Variants in CCSER1 observed in about 807,000 individuals in gnomAD.
CCSER1 encodes serine-rich coiled-coil domain-containing protein 1.
CCSER1 carries 41 observed loss-of-function variants against 82.0 expected under a neutral mutation model. The ratio of observed to expected loss-of-function variants is 0.50; its 90% CI spans 0.39 to 0.65. The LOEUF is 0.65. Ranked by LOEUF, CCSER1 falls within the 30% of genes least tolerant of loss-of-function variation. The pLI is 0.00. For synonymous variants in CCSER1, 414 were observed against 383.9 expected, an observed-to-expected ratio of 1.08 and a Z score of -0.92; for missense variants, 1,119 against 1,064.2, an observed-to-expected ratio of 1.05 and a Z score of -0.72.
chr4:90,746,573 G>A (rs1216826956), intron 7 of CCSER1, among the ~76,000 whole-genome samples: 1 of 152,132 alleles, frequency 6.6e-6, no homozygotes, highest in African/African-American at 2.4e-5. Context: ...TTGGTGTAGG[G>A]AATTCAGTGT....
intron 10 of CCSER1, among the ~76,000 whole-genome samples, chr4:91,218,897 G>A (rs1299717596): frequency 2.6e-5 from 4 of 152,124 alleles, no homozygotes; most frequent in South Asian, 4.1e-4. Flanking sequence ...GGTAATTGAC[G>A]TAATGTCAAC....
At chr4:90,378,115 G>T (rs1016011363) in intron 3 of CCSER1, among the ~76,000 whole-genome samples, 1 of 151,958 alleles carries the variant, frequency 6.6e-6, no homozygotes, top group African/African-American at 2.4e-5. Flanking sequence ...GCTCTTTATG[G>T]CATTGTTTAG....
intron 1 of CCSER1, among the ~76,000 whole-genome samples, chr4:90,228,861 A>G (rs1460537583): frequency 6.6e-6 from 1 of 152,224 alleles, no homozygotes; most frequent in African/African-American, 2.4e-5. Context: ...AACTGGAAGA[A>G]AGGGTATCAG....
At chr4:90,227,953 A>G (rs1347265975) in intron 1 of CCSER1, among the ~76,000 whole-genome samples, 3 of 152,292 alleles carry the variant, frequency 2.0e-5, no homozygotes, top group East Asian at 3.9e-4. Flanking sequence ...TATATCCCGC[A>G]CCTGGCTCGG....
intron 5 of CCSER1, among the ~76,000 whole-genome samples, chr4:90,572,679 GT>G (rs1780260731): frequency 6.6e-6 from 1 of 151,340 alleles, no homozygotes; most frequent in South Asian, 2.1e-4. Context: ...TTTCTGTTTG[GT>G]TTTTTAAAAG....
At chr4:90,511,523 T>A (rs1214858773) in intron 5 of CCSER1, among the ~76,000 whole-genome samples, 1 of 151,966 alleles carries the variant, frequency 6.6e-6, no homozygotes, top group Non-Finnish European at 1.5e-5. Context: ...CTAAAAGGAG[T>A]TAGAGTTGGT....
At chr4:90,958,339 A>G (rs929942121) in intron 9 of CCSER1, among the ~76,000 whole-genome samples, 1 of 152,192 alleles carries the variant, frequency 6.6e-6, no homozygotes, top group African/African-American at 2.4e-5. Context: ...AAATTATGCA[A>G]GAGGCTAATA....
chr4:91,071,113 A>G (rs889405248), intron 9 of CCSER1, among the ~76,000 whole-genome samples: 14 of 152,238 alleles, frequency 9.2e-5, no homozygotes, highest in African/African-American at 2.4e-4. Flanking sequence ...TTAGAAAAGT[A>G]AATATTCCAT....
intron 3 of CCSER1, among the ~76,000 whole-genome samples, chr4:90,383,525 G>T (rs1210541002): frequency 6.6e-6 from 1 of 152,030 alleles, no homozygotes; most frequent in Non-Finnish European, 1.5e-5. Flanking sequence ...CAAACATCTG[G>T]AAAAATGCTA....
intron 7 of CCSER1, among the ~76,000 whole-genome samples, chr4:90,773,461 C>T (rs1752497946): frequency 1.3e-5 from 2 of 152,268 alleles, no homozygotes; most frequent in South Asian, 4.1e-4. Flanking sequence ...GGGTTTGGAA[C>T]TGAGGTGCTT....
intron 10 of CCSER1, among the ~76,000 whole-genome samples, chr4:91,210,579 T>C (rs532570951): frequency 2.6e-5 from 4 of 151,486 alleles, no homozygotes; most frequent in African/African-American, 9.7e-5. Flanking sequence ...ATAAGCATAA[T>C]ATGAATACAA....
intron 3 of CCSER1, among the ~76,000 whole-genome samples, chr4:90,351,624 G>T (rs763135607): frequency 9.2e-4 from 140 of 152,114 alleles, no homozygotes; most frequent in Non-Finnish European, 1.7e-3. Flanking sequence ...AGTACATTGT[G>T]TGTATGTATT....
chr4:91,481,051 C>T (rs1757879947), intron 10 of CCSER1, among the ~76,000 whole-genome samples: 1 of 139,906 alleles, frequency 7.1e-6, no homozygotes, highest in Non-Finnish European at 1.6e-5. Context: ...CCTCCCCACC[C>T]CTGCCCTCCC....
At position 90,231,394 on chromosome 4, in the gene CCSER1, G is replaced by T. The variant is rs573387182; in HGVS notation, c.-41-76850G>T. 5.0e-4 allele frequency among the ~76,000 whole-genome samples: 76 copies of T among 151,190 alleles called. 2 individuals are homozygous for T. The East Asian group carries it at 0.014, about 27-fold the overall frequency. On this transcript the variant is annotated intron_variant, in intron 1 of 10. Transcript: ENST00000509176. ...ACCACATGATTATCTCAATAGATGCGGAAAAGGCCTTTGACAAAATTCAAC... is the reference window on the plus strand; with the variant it reads ...ACCACATGATTATCTCAATAGATGCTGAAAAGGCCTTTGACAAAATTCAAC...
intron 10 of CCSER1, among the ~76,000 whole-genome samples, chr4:91,524,281 G>A (rs1156973989): frequency 2.0e-5 from 3 of 152,042 alleles, no homozygotes; most frequent in Admixed American, 2.0e-4. Context: ...CTCTTTTTTT[G>A]AAGGAGTATT....
intron 10 of CCSER1, among the ~76,000 whole-genome samples, chr4:91,165,651 C>A (rs539290943): frequency 6.6e-6 from 1 of 152,240 alleles, no homozygotes; most frequent in African/African-American, 2.4e-5. Flanking sequence ...ACGCCCCTCC[C>A]CCTGCCAGGC....
intron 10 of CCSER1, among the ~76,000 whole-genome samples, chr4:91,224,051 A>G (rs942589945): frequency 1.0e-4 from 15 of 143,046 alleles, no homozygotes; most frequent in African/African-American, 3.9e-4. Context: ...AAGTTGCTCA[A>G]AGTGGCTTTT....
intron 10 of CCSER1, among the ~76,000 whole-genome samples, chr4:91,508,440 T>C (rs1254244007): frequency 6.6e-6 from 1 of 151,788 alleles, no homozygotes; most frequent in African/African-American, 2.4e-5. Context: ...TTTACATCCC[T>C]AAGGGAAATC....
chr4:90,203,741 G>A (rs1738211157), intron 1 of CCSER1, among the ~76,000 whole-genome samples: 1 of 152,016 alleles, frequency 6.6e-6, no homozygotes, highest in Admixed American at 6.6e-5. Context: ...GGTATTTCTG[G>A]ATCTAGAGCC....
Sources: gnomAD v4.1 joint callset for allele counts (sites outside exome capture counted in the v4.1 genomes callset) on GRCh38, gnomAD v4.1.1 for gene constraint, MANE v1.5 for transcripts, NCBI Gene and HGNC (gene_info 2026-07-23, HGNC 2026-07-21) for gene names.